Variants in MGAT4C observed in about 807,000 individuals in gnomAD.
The protein encoded by MGAT4C is alpha-1,3-mannosyl-glycoprotein 4-beta-N-acetylglucosaminyltransferase C.
In MGAT4C, 19 loss-of-function variants were observed where a neutral mutation model predicts 40.1. The ratio of observed to expected loss-of-function variants is 0.47; its 90% confidence interval spans 0.33 to 0.70. MGAT4C has a LOEUF of 0.70. MGAT4C is among the 30% of genes least tolerant of loss of function. The probability of loss-of-function intolerance (pLI) is 0.02; values close to 1 mark genes in which losing one functional copy is unlikely to be tolerated. For missense variants in MGAT4C, 491 were observed against 563.2 expected (o/e 0.87, Z 1.30); for synonymous variants, 181 against 187.1 (o/e 0.97, Z 0.27).
At chr12:86,003,133 T>C (rs1887522769) in intron 2 of MGAT4C, among the ~76,000 whole-genome samples, 1 of 152,132 alleles carries the variant, frequency 6.6e-6, no homozygotes, top group African/African-American at 2.4e-5. Flanking sequence ...CAATTTTCAG[T>C]GATAAATGTG....
chr12:86,662,063 G>A (rs796168970), intron 2 of MGAT4C, among the ~76,000 whole-genome samples: 5 of 152,238 alleles, frequency 3.3e-5, no homozygotes, highest in African/African-American at 9.6e-5. Context: ...ACTGAAGAAT[G>A]GCATCTAATC....
At position 85,960,755 on chromosome 12, in the gene MGAT4C, G is replaced by A. The variant is rs1883073082; in HGVS notation, c.*18534C>T. The A allele has an allele frequency of 6.6e-6, 1 of 151,562 alleles. No homozygotes were observed. Among genetic ancestry groups the A allele is most frequent in the African/African-American group, 2.4e-5 (1 of 41,302 alleles). 9.4% of individuals were successfully genotyped at this position (151,562 alleles called of 1,614,324 possible). ...TGTTTATTTGGATATAACGTGAATG[G>A]GCCCATACCATAAACTCCTATTAAG... is the stretch of plus-strand genomic sequence containing the variant. On this transcript the variant is annotated 3_prime_UTR_variant, in exon 5 of 5. Coordinates refer to ENST00000611864, the MANE Select transcript of MGAT4C (RefSeq NM_001351288.2).
chr12:86,429,555 AC>A (rs1273287135), intron 3 of MGAT4C, among the ~76,000 whole-genome samples: 1 of 152,084 alleles, frequency 6.6e-6, no homozygotes, highest in Non-Finnish European at 1.5e-5. Context: ...TATGGTTGTC[AC>A]GTTTTTTGTT....
intron 2 of MGAT4C, among the ~76,000 whole-genome samples, chr12:86,529,921 C>T (rs1171096485): frequency 1.3e-5 from 2 of 151,886 alleles, no homozygotes; most frequent in Non-Finnish European, 2.9e-5. Context: ...CTCTCACATA[C>T]CTTAAATTAT....
At chr12:86,322,241 G>T (rs1339440707) in intron 4 of MGAT4C, among the ~76,000 whole-genome samples, 3 of 109,818 alleles carry the variant, frequency 2.7e-5, no homozygotes, top group African/African-American at 6.5e-5. Context: ...GGGGAGGGGG[G>T]AGGGAGAGCA....
intron 4 of MGAT4C, among the ~76,000 whole-genome samples, chr12:86,295,398 C>A (rs955685608): frequency 6.6e-6 from 1 of 152,166 alleles, no homozygotes; most frequent in Non-Finnish European, 1.5e-5. Context: ...GCTCTTAAGG[C>A]AGCGCGTCTG....
intron 4 of MGAT4C, among the ~76,000 whole-genome samples, chr12:86,261,482 G>A (rs1309699695): frequency 6.6e-6 from 1 of 151,994 alleles, no homozygotes; most frequent in Non-Finnish European, 1.5e-5. Context: ...AAATATTTCT[G>A]TTCCTCATTT....
At chr12:86,649,670 G>T (rs1237879428) in intron 2 of MGAT4C, among the ~76,000 whole-genome samples, 2 of 151,750 alleles carry the variant, frequency 1.3e-5, no homozygotes, top group Non-Finnish European at 2.9e-5. Flanking sequence ...GAGCCAGATT[G>T]AAGGAAAATG....
chr12:86,014,823 T>G (rs1388557178), intron 2 of MGAT4C, among the ~76,000 whole-genome samples: 1 of 151,796 alleles, frequency 6.6e-6, no homozygotes, highest in Admixed American at 6.6e-5. Context: ...CTTGAACAAT[T>G]TATTATTATT....
intron 4 of MGAT4C, among the ~76,000 whole-genome samples, chr12:86,303,047 G>T (rs1014718095): frequency 2.0e-5 from 3 of 150,346 alleles, no homozygotes; most frequent in Admixed American, 2.0e-4. Flanking sequence ...TTCTCCCTTC[G>T]TTTTCTGATA....
chr12:86,362,619 G>A (rs1468274451), intron 3 of MGAT4C, among the ~76,000 whole-genome samples: 1 of 151,874 alleles, frequency 6.6e-6, no homozygotes, highest in Non-Finnish European at 1.5e-5. Flanking sequence ...AGTCAAACTG[G>A]TAACAGCAAT....
At chr12:86,809,253 C>T (rs1952423730) in intron 1 of MGAT4C, among the ~76,000 whole-genome samples, 2 of 151,986 alleles carry the variant, frequency 1.3e-5, no homozygotes, top group Non-Finnish European at 2.9e-5. Context: ...TTGTTCTTTT[C>T]CATTCAGAGT....
At chr12:86,198,845 CT>C (rs1949925403) in intron 1 of MGAT4C, among the ~76,000 whole-genome samples, 1 of 152,144 alleles carries the variant, frequency 6.6e-6, no homozygotes, top group East Asian at 1.9e-4. Context: ...GAGTATGTCA[CT>C]AAAACTGTTG....
chr12:86,258,786 T>C (rs1181988576), upstream of MGAT4C, among the ~76,000 whole-genome samples: 3 of 152,100 alleles, frequency 2.0e-5, no homozygotes, highest in Non-Finnish European at 2.9e-5. Context: ...AATAATTTCA[T>C]ATTTAAAATT....
intron 2 of MGAT4C, among the ~76,000 whole-genome samples, chr12:86,029,303 A>G (rs1303710264): frequency 6.6e-6 from 1 of 151,912 alleles, no homozygotes; most frequent in Non-Finnish European, 1.5e-5. Flanking sequence ...GTGTGCAGCC[A>G]ATTTGAGTGT....
At chr12:86,540,762 G>A (rs1959162330) in intron 2 of MGAT4C, among the ~76,000 whole-genome samples, 1 of 152,032 alleles carries the variant, frequency 6.6e-6, no homozygotes, top group Non-Finnish European at 1.5e-5. Flanking sequence ...GAGAGAGAGA[G>A]AAATTCTAAG....
At chr12:86,700,066 A>AG (rs1555220815) in intron 2 of MGAT4C, among the ~76,000 whole-genome samples, 3 of 11,430 alleles carry the variant, frequency 2.6e-4, no homozygotes, top group Non-Finnish European at 4.8e-4. Context: ...ATAGATAGAT[A>AG]AGATAGATAG....
At chr12:86,602,015 G>A (rs1323400423) in intron 2 of MGAT4C, among the ~76,000 whole-genome samples, 5 of 152,188 alleles carry the variant, frequency 3.3e-5, no homozygotes, top group East Asian at 1.9e-4. Flanking sequence ...AGCGGAAGCC[G>A]CGGTACGTCT....
In MGAT4C at chr12:85,983,133, A is replaced by C. The variant is rs113773356; in HGVS notation, c.295+390T>G. On this transcript the variant is annotated intron_variant, in intron 4 of 4. Transcript: ENST00000611864. ...GCAGACCTAGGAAACTAAAACACTGAGTTTCATTAATTAAAAAGTTGTGGC... is the reference window on the plus strand; with the variant it reads ...GCAGACCTAGGAAACTAAAACACTGCGTTTCATTAATTAAAAAGTTGTGGC... 3.6e-3 allele frequency among the ~76,000 whole-genome samples: 541 copies of C among 152,306 alleles called. 3 individuals are homozygous for C. The highest frequency in any genetic ancestry group is 0.012 in the African/African-American group (518 of 41,558).
Sources: gnomAD v4.1 joint callset for allele counts (sites outside exome capture counted in the v4.1 genomes callset) on GRCh38, gnomAD v4.1.1 for gene constraint, MANE v1.5 for transcripts, NCBI Gene and HGNC (gene_info 2026-07-23, HGNC 2026-07-21) for gene names.